Variants in PGAM1 observed in about 807,000 individuals in gnomAD.
PGAM1 encodes the protein phosphoglycerate mutase 1.
Under a neutral mutation model 23.5 loss-of-function variants are expected in PGAM1, and 21 were observed. The observed-to-expected ratio is 0.89, with a 90% confidence interval of 0.63 to 1.29. The LOEUF is 1.29. Ranked by LOEUF, PGAM1 falls within the 50% of genes most tolerant of loss-of-function variation. PGAM1 has a pLI of 0.00. For synonymous variants in PGAM1, 109 were observed against 128.6 expected (o/e 0.85, Z 1.03); for missense variants, 232 against 336.3 (o/e 0.69, Z 2.42).
chr10:97,427,952 G>A (rs1451038477), intron 1 of PGAM1: 1 of 1,275,258 alleles, frequency 7.8e-7, no homozygotes, highest in Admixed American at 2.3e-5. Context: ...TCTGCGGGGT[G>A]GGGTGGGCAG....
intron 1 of PGAM1, among the ~76,000 whole-genome samples, chr10:97,426,693 C>G (rs1449533413): frequency 6.6e-6 from 1 of 152,266 alleles, no homozygotes; most frequent in Admixed American, 6.5e-5. Flanking sequence ...TTTGCGCTCC[C>G]CACGACACCA....
At chr10:97,427,368 T>C (rs1845422192) in intron 1 of PGAM1, 1 of 1,000,354 alleles carries the variant, frequency 1.0e-6, no homozygotes, top group Non-Finnish European at 1.2e-6. Context: ...CCAAAACGCA[T>C]CTGTAGATGT....
chr10:97,431,233 A>G, intron 3 of PGAM1, 98 bp downstream of exon 3: 1 of 1,374,180 alleles, frequency 7.3e-7, no homozygotes, highest in East Asian at 2.3e-5. Context: ...AGGGCTGGAC[A>G]TGTTAACAGC....
In PGAM1 at chr10:97,426,299, C is replaced by T. The variant is rs1231999745; in HGVS notation, c.-9C>T. The T allele has an allele frequency of 3.1e-6, 5 of 1,610,014 alleles. No homozygotes were observed. The African/African-American group carries it at 4.0e-5, about 13-fold the overall frequency. The stretch of plus-strand genomic sequence containing the variant: ...ATCCCAGTCGGTGCCGCATCCCCAG[C>T]CCGCCGCCATGGCCGCCTACAAACT... On this transcript the variant is annotated 5_prime_UTR_variant, in exon 1 of 4. Transcript: ENST00000334828.
rs1845456228 is a variant in PGAM1, at chr10:97,430,414, G to T, written c.175G>T (p.Val59Leu). 6.2e-7 allele frequency: 1 copy of T among 1,611,348 alleles called. No individual in the cohort carries two copies. The highest frequency in any genetic ancestry group is 8.5e-7 in the Non-Finnish European group (1 of 1,179,848). The change falls in exon 2 of 4, where the codon GTG becomes TTG. Residue 59 changes from valine (V) to leucine (L), a missense_variant. Coordinates refer to ENST00000334828, the MANE Select transcript of PGAM1 (RefSeq NM_002629.4). The part of the protein sequence containing the change: ...GYEFDICFTS[V>L]QKRAIRTLWT... ...TGAGTTTGACATCTGCTTCACCTCA[G>T]TGCAGAAGAGAGCGATCCGGACCCT...
chr10:97,429,290 G>GTA (rs1845443590), intron 1 of PGAM1, among the ~76,000 whole-genome samples: 2 of 151,914 alleles, frequency 1.3e-5, no homozygotes. Flanking sequence ...ATTTTTAGTA[G>GTA]AGACGGGGTT....
In PGAM1 at chr10:97,426,385, C is replaced by T. The variant is rs553150179; in HGVS notation, c.78C>T (p.Tyr26=). 2.5e-6 allele frequency: 4 copies of T among 1,607,070 alleles called. No individual in the cohort carries two copies. The highest frequency in any genetic ancestry group is 3.4e-6 in the Non-Finnish European group (4 of 1,177,760). The change falls in exon 1 of 4, where the codon TAC becomes TAT. Residue 26 remains tyrosine (Y), a synonymous_variant. Coordinates refer to ENST00000334828, the MANE Select transcript of PGAM1 (RefSeq NM_002629.4). ...WNLENRFSGW[Y]DADLSPAGHE... Reference sequence around the variant, plus strand: ...TGGAGAACCGCTTCAGCGGCTGGTACGACGCCGACCTGAGCCCGGCGGGCC... The same window carrying T: ...TGGAGAACCGCTTCAGCGGCTGGTATGACGCCGACCTGAGCCCGGCGGGCC...
At chr10:97,431,879 C>T (rs1247207396) in intron 3 of PGAM1, among the ~76,000 whole-genome samples, 7 of 145,668 alleles carry the variant, frequency 4.8e-5, no homozygotes, top group Admixed American at 4.2e-4. Flanking sequence ...GAGAGTAAGA[C>T]CTTGTCTCTT....
At chr10:97,431,189 C>T in intron 3 of PGAM1, 54 bp downstream of exon 3, 1 of 1,601,456 alleles carries the variant, frequency 6.2e-7, no homozygotes, top group Non-Finnish European at 8.6e-7. Flanking sequence ...AGAACTGCCA[C>T]AAATCAGGGA....
intron 1 of PGAM1, chr10:97,427,961 A>C (rs1845430177): frequency 2.4e-4 from 140 of 584,258 alleles, no homozygotes; most frequent in Non-Finnish European, 3.9e-4. Flanking sequence ...TGGGGTGGGC[A>C]GGGGAGTGAT....
At chr10:97,430,739 A>G in intron 2 of PGAM1, 86 bp downstream of exon 2, 1 of 1,579,942 alleles carries the variant, frequency 6.3e-7, no homozygotes, top group South Asian at 1.1e-5. Context: ...CTTACAATTC[A>G]TGATAAAATA....
chr10:97,431,197 G>C (rs1220823437), intron 3 of PGAM1, 62 bp downstream of exon 3: 1 of 1,598,462 alleles, frequency 6.3e-7, no homozygotes, highest in Non-Finnish European at 8.6e-7. Context: ...CACAAATCAG[G>C]GACTTGGTAA....
chr10:97,426,304 C>A lies in PGAM1; in HGVS notation c.-4C>A. On this transcript the variant is annotated 5_prime_UTR_variant, in exon 1 of 4. Coordinates refer to ENST00000334828, the MANE Select transcript of PGAM1 (RefSeq NM_002629.4). The stretch of plus-strand genomic sequence containing the variant: ...AGTCGGTGCCGCATCCCCAGCCCGC[C>A]GCCATGGCCGCCTACAAACTGGTGC... 6.2e-7 allele frequency: 1 copy of A among 1,610,276 alleles called. No individual in the cohort carries two copies. The highest frequency in any genetic ancestry group is 1.1e-5 in the South Asian group (1 of 90,946).
intron 3 of PGAM1, 93 bp from the exon 4 acceptor site, chr10:97,432,262 G>C (rs1845478555): frequency 3.2e-6 from 5 of 1,544,786 alleles, no homozygotes; most frequent in Non-Finnish European, 3.6e-6. Context: ...TTTAATTTCT[G>C]TCAAAGTCCT....
intron 1 of PGAM1, chr10:97,427,594 T>C: frequency 8.5e-7 from 1 of 1,173,094 alleles, no homozygotes. Context: ...TGGTAGGCTT[T>C]TGGCTAAGGA....
chr10:97,432,418 T>C lies in PGAM1; in HGVS notation c.659T>C (p.Leu220Ser). The C allele has an allele frequency of 6.2e-7, 1 of 1,611,760 alleles. No homozygotes were observed. The highest frequency in any genetic ancestry group is 8.5e-7 in the Non-Finnish European group (1 of 1,179,760). Residue 220 changes from leucine to serine, a missense_variant, in exon 4 of 4, where the codon TTG (leucine) becomes TCG (serine). Transcript: ENST00000334828. ...LPTGIPIVYE[L>S]DKNLKPIKPM... Reference sequence around the variant, plus strand: ...ACTGGTATTCCCATTGTCTATGAATTGGACAAGAACTTGAAGCCTATCAAG... The same window carrying C: ...ACTGGTATTCCCATTGTCTATGAATCGGACAAGAACTTGAAGCCTATCAAG...
chr10:97,427,768 G>C (rs561276450), intron 1 of PGAM1: 35 of 1,286,694 alleles, frequency 2.7e-5, no homozygotes, highest in Non-Finnish European at 3.1e-5. Context: ...GCTGATGATA[G>C]GGGCAGATCC....
intron 1 of PGAM1, chr10:97,427,298 A>G: frequency 2.0e-6 from 2 of 986,496 alleles, no homozygotes; most frequent in Non-Finnish European, 2.4e-6. Context: ...TCAGAACACC[A>G]AGAAATCCGC....
chr10:97,431,253 G>C (rs1845468781), intron 3 of PGAM1, 118 bp downstream of exon 3: 2 of 1,191,254 alleles, frequency 1.7e-6, no homozygotes, highest in African/African-American at 1.5e-5. Context: ...CTTTAGAGAT[G>C]GTCTAGATTG....
Sources: allele counts gnomAD v4.1 joint callset (sites outside exome capture counted in the v4.1 genomes callset), GRCh38; gene constraint gnomAD v4.1.1; transcripts MANE v1.5; gene names NCBI Gene and HGNC (gene_info 2026-07-23, HGNC 2026-07-21).